ALDH1L1: variants seen among roughly 807,000 people sequenced by gnomAD.
ALDH1L1 encodes aldehyde dehydrogenase 1 family member L1.
A neutral mutation model predicts 101.1 loss-of-function variants in ALDH1L1; 68 were observed. The ratio of observed to expected loss-of-function variants is 0.67; its 90% CI spans 0.55 to 0.82. The LOEUF (loss-of-function observed/expected upper bound fraction) is 0.82. Among genes scored for constraint, ALDH1L1 ranks in the 40% least tolerant of loss-of-function variants. The pLI is 0.00. For synonymous variants in ALDH1L1, 486 were observed against 470.8 expected, an observed-to-expected ratio of 1.03 and a Z score of -0.42; for missense variants, 1,087 against 1,172.7, an observed-to-expected ratio of 0.93 and a Z score of 1.07.
intron 21 of ALDH1L1, among the ~76,000 whole-genome samples, chr3:126,106,175 G>A (rs931893838): frequency 6.6e-6 from 1 of 152,198 alleles, no homozygotes; most frequent in Non-Finnish European, 1.5e-5. Context: ...TCCACAGACT[G>A]GGAGCAGGGG....
chr3:126,164,151 G>A (rs969611371), intron 1 of ALDH1L1, among the ~76,000 whole-genome samples: 7 of 152,084 alleles, frequency 4.6e-5, no homozygotes, highest in African/African-American at 7.2e-5. Flanking sequence ...GGCAAGGCAA[G>A]GCAAGGTAGG....
At chr3:126,116,495 CT>C (rs2079975703) in intron 17 of ALDH1L1, among the ~76,000 whole-genome samples, 1 of 152,164 alleles carries the variant, frequency 6.6e-6, no homozygotes, top group Non-Finnish European at 1.5e-5. Flanking sequence ...CTCTGGAGTG[CT>C]CAGAGCTGAC....
chr3:126,172,762 C>T (rs560805824), intron 1 of ALDH1L1, among the ~76,000 whole-genome samples: 1 of 151,814 alleles, frequency 6.6e-6, no homozygotes, highest in East Asian at 1.9e-4. Flanking sequence ...GATCACCCCC[C>T]ACCCCCCAAA....
intron 16 of ALDH1L1, among the ~76,000 whole-genome samples, chr3:126,120,573 C>T (rs2080059627): frequency 6.6e-6 from 1 of 152,144 alleles, no homozygotes; most frequent in Non-Finnish European, 1.5e-5. Context: ...AATGTACAAC[C>T]CAAGAGTGAC....
chr3:126,109,627 T>C (rs760853185), intron 20 of ALDH1L1, among the ~76,000 whole-genome samples: 6 of 152,082 alleles, frequency 3.9e-5, no homozygotes, highest in Admixed American at 1.3e-4. Context: ...GCCAGTGAAA[T>C]AGAGGAAAAA....
chr3:126,133,374 C>T (rs2080354334), intron 12 of ALDH1L1, among the ~76,000 whole-genome samples: 1 of 152,222 alleles, frequency 6.6e-6, no homozygotes, highest in African/African-American at 2.4e-5. Context: ...GACAGTCTCA[C>T]TGCTCGTCTC....
chr3:126,149,992 G>C (rs1161299304), intron 8 of ALDH1L1, among the ~76,000 whole-genome samples: 1 of 152,236 alleles, frequency 6.6e-6, no homozygotes. Flanking sequence ...AGCTGGATTG[G>C]AGACCAGGTG....
chr3:126,154,577 C>T lies in ALDH1L1; in HGVS notation c.697G>A (p.Ala233Thr), dbSNP rs2080868071. ...WIRGNDKVPGAWTEACEQKLT... is the reference protein window; with the variant it reads ...WIRGNDKVPGTWTEACEQKLT... ...ACCTGTTCACAGGCCTCTGTCCAGG[C>T]TCCCGGCACCTTGTCGTTCCCGCGG... The change falls in exon 6 of 23, where the codon GCC (alanine) becomes ACC (threonine). Residue 233 changes from alanine (A) to threonine (T), a missense_variant. By Grantham distance (58) the Ala-to-Thr change is moderately conservative (BLOSUM62 0). This residue lies in a region of ALDH1L1 where 645 missense variants were observed against 637.0 expected (regional missense o/e 1.01). Coordinates refer to ENST00000393434, the MANE Select transcript of ALDH1L1 (RefSeq NM_012190.4). The T allele has an allele frequency of 1.2e-6, 2 of 1,614,078 alleles. No homozygotes were observed. The highest frequency in any genetic ancestry group is 2.2e-5 in the South Asian group (2 of 91,090).
At chr3:126,169,057 C>T (rs549971714) in intron 1 of ALDH1L1, among the ~76,000 whole-genome samples, 20 of 152,102 alleles carry the variant, frequency 1.3e-4, no homozygotes, top group Admixed American at 1.1e-3. Context: ...ACAACAGCAA[C>T]AACAACAACA....
At chr3:126,174,576 T>C (rs1182365432) in intron 1 of ALDH1L1, among the ~76,000 whole-genome samples, 3 of 152,078 alleles carry the variant, frequency 2.0e-5, no homozygotes, top group Admixed American at 2.0e-4. Flanking sequence ...ACAGAATCAC[T>C]AGAAATCAAT....
At chr3:126,190,739 G>A (rs1000041908) in intron 1 of ALDH1L1, among the ~76,000 whole-genome samples, 2 of 152,200 alleles carry the variant, frequency 1.3e-5, no homozygotes, top group African/African-American at 4.8e-5. Context: ...GATGGTAACA[G>A]GATGGCAGAA....
intron 1 of ALDH1L1, among the ~76,000 whole-genome samples, chr3:126,175,249 C>T (rs574747597): frequency 1.3e-5 from 2 of 152,144 alleles, no homozygotes; most frequent in Admixed American, 6.5e-5. Flanking sequence ...GAGCCAGTAG[C>T]CTTCCAAAAT....
intron 9 of ALDH1L1, among the ~76,000 whole-genome samples, chr3:126,138,235 T>C (rs1245146548): frequency 6.6e-6 from 1 of 152,230 alleles, no homozygotes; most frequent in Admixed American, 6.5e-5. Flanking sequence ...GAAATAATAA[T>C]AGCTGCTCTG....
chr3:126,108,269 C>T (rs1945954045), intron 20 of ALDH1L1, among the ~76,000 whole-genome samples: 1 of 152,190 alleles, frequency 6.6e-6, no homozygotes, highest in Non-Finnish European at 1.5e-5. Flanking sequence ...GAGAGCTGGT[C>T]TCCTGGTCAT....
intron 1 of ALDH1L1, among the ~76,000 whole-genome samples, chr3:126,161,447 G>A (rs572039805): frequency 6.6e-6 from 1 of 152,290 alleles, no homozygotes; most frequent in East Asian, 1.9e-4. Context: ...ATTCCTCTGA[G>A]CCAGGAGTCA....
intron 13 of ALDH1L1, among the ~76,000 whole-genome samples, chr3:126,130,806 T>TA (rs2080285740): frequency 6.6e-6 from 1 of 152,186 alleles, no homozygotes; most frequent in African/African-American, 2.4e-5. Context: ...AGGGAGCCTC[T>TA]ACAAATGGCC....
intron 1 of ALDH1L1, among the ~76,000 whole-genome samples, chr3:126,164,105 T>C (rs2108310336): frequency 6.6e-6 from 1 of 151,304 alleles, no homozygotes; most frequent in South Asian, 2.1e-4. Context: ...CACTCCAGCC[T>C]GGGCAACAGA....
intron 16 of ALDH1L1, among the ~76,000 whole-genome samples, chr3:126,124,028 C>T (rs906923889): frequency 1.3e-5 from 2 of 152,034 alleles, no homozygotes; most frequent in Non-Finnish European, 2.9e-5. Flanking sequence ...ATGCTTTAAG[C>T]CTGAAATGTT....
At position 126,105,777 on chromosome 3, in the gene ALDH1L1, C is replaced by T. The variant is rs886394320; in HGVS notation, c.2602G>A (p.Val868Met). 22 of 1,614,084 alleles carry T rather than the reference C, an allele frequency of 1.4e-5. No homozygotes were observed. The highest frequency in any genetic ancestry group is 2.2e-5 in the East Asian group (1 of 44,892). Residue 868 changes from valine to methionine, a missense_variant, in exon 22 of 23, where the codon GTG becomes ATG. Val to Met is a conservative substitution (Grantham distance 21). Transcript: ENST00000393434. Reference sequence around the variant, plus strand: ...TTGAATCCTCCGAAGGGAGCGGCCACGTCGGTCTTGTTGTACGTGTTGACA... The same window carrying T: ...TTGAATCCTCCGAAGGGAGCGGCCATGTCGGTCTTGTTGTACGTGTTGACA... ...VFVNTYNKTD[V>M]AAPFGGFKQS...
Sources: allele counts gnomAD v4.1 joint callset (sites outside exome capture counted in the v4.1 genomes callset), GRCh38; gene constraint gnomAD v4.1.1; regional missense constraint gnomAD v4.1.1; transcripts MANE v1.5; gene names NCBI Gene and HGNC (gene_info 2026-07-23, HGNC 2026-07-21).